The following ZNF280A variants were observed in gnomAD, a reference collection of about 807,000 sequenced individuals.
The protein encoded by ZNF280A is zinc finger protein 280A.
ZNF280A carries 26 observed loss-of-function variants against 35.9 expected under a neutral mutation model. That is an observed-to-expected ratio of 0.72 (90% confidence interval 0.53 to 1.01). ZNF280A has a LOEUF of 1.01. Among genes scored for constraint, ZNF280A ranks in the 50% least tolerant of loss-of-function variants. The probability of loss-of-function intolerance (pLI) is 0.00; values close to 1 mark genes in which losing one functional copy is unlikely to be tolerated. For synonymous variants in ZNF280A, 231 were observed against 232.9 expected, an observed-to-expected ratio of 0.99 and a Z score of 0.07; for missense variants, 654 against 652.0, an observed-to-expected ratio of 1.00 and a Z score of -0.03.
chr22:22,519,038 T>A (rs1020452515), intron 1 of ZNF280A, among the ~76,000 whole-genome samples: 3 of 151,908 alleles, frequency 2.0e-5, no homozygotes, highest in African/African-American at 7.3e-5. Context: ...ATATATACTA[T>A]ATTTTTTCAT....
At position 22,514,118 on chromosome 22, in the gene ZNF280A, T is replaced by A; in HGVS notation, c.1513A>T (p.Met505Leu). ...GTGTTGCTAACAATAACGGAAGCCA[T>A]ACCACTTGATCCTGGCTGAACTGAA... is the stretch of plus-strand genomic sequence containing the variant. ...QTSVQPGSSG[M>L]ASVIVSNTDP... The change falls in exon 2 of 2, where the codon ATG becomes TTG. Residue 505 changes from methionine (M) to leucine (L), a missense_variant. Coordinates refer to ENST00000302097, the MANE Select transcript of ZNF280A (RefSeq NM_080740.5). 2 of 1,613,936 alleles carry A rather than the reference T, an allele frequency of 1.2e-6. No homozygotes were observed. The highest frequency in any genetic ancestry group is 1.7e-6 in the Non-Finnish European group (2 of 1,179,986).
intron 1 of ZNF280A, among the ~76,000 whole-genome samples, chr22:22,518,852 T>C (rs949499869): frequency 6.6e-6 from 1 of 151,630 alleles, no homozygotes; most frequent in Admixed American, 6.6e-5. Flanking sequence ...AAAATGTCAG[T>C]GTTCACCATA....
Position 22,515,195 on chromosome 22 carries a change from G to T in ZNF280A, c.436C>A (p.Gln146Lys). 1 of 1,613,896 alleles carries T rather than the reference G, an allele frequency of 6.2e-7. No individual in the cohort carries two copies. The highest frequency in any genetic ancestry group is 8.5e-7 in the Non-Finnish European group (1 of 1,179,958). The change falls in exon 2 of 2, where the codon CAG becomes AAG. Residue 146 changes from glutamine to lysine, a missense_variant. Gln to Lys is a moderately conservative substitution (Grantham distance 53). Transcript: ENST00000302097. ...GAGACCATAGCTCCAACTAGACACT[G>T]AGTCCCTGGGGGGAGCGAGTCTGAG... ...SSSDSLPPGT[Q>K]CLVGAMVSGG...
chr22:22,517,036 G>A (rs1295069689), intron 1 of ZNF280A, among the ~76,000 whole-genome samples: 4 of 151,980 alleles, frequency 2.6e-5, no homozygotes, highest in African/African-American at 9.7e-5. Context: ...AGGAGTTTGA[G>A]ATTACAGTGA....
intron 1 of ZNF280A, among the ~76,000 whole-genome samples, chr22:22,518,194 G>A (rs965092867): frequency 6.6e-6 from 1 of 151,554 alleles, no homozygotes; most frequent in Admixed American, 6.6e-5. Context: ...CAAAGTGCTG[G>A]GATTACAGGC....
In ZNF280A at chr22:22,513,960, C is replaced by T; in HGVS notation, c.*42G>A. Reference sequence around the variant, plus strand: ...ACAATGCACATATGGCCTAGCCTCACTTCTGCCTTTCGGAACTCCTGGAAG... The same window carrying T: ...ACAATGCACATATGGCCTAGCCTCATTTCTGCCTTTCGGAACTCCTGGAAG... On this transcript the variant is annotated 3_prime_UTR_variant, in exon 2 of 2. Coordinates refer to ENST00000302097, the MANE Select transcript of ZNF280A (RefSeq NM_080740.5). The T allele has an allele frequency of 8.7e-7, 1 of 1,143,926 alleles. No homozygotes were observed. The highest frequency in any genetic ancestry group is 1.3e-6 in the Non-Finnish European group (1 of 783,858). The allele number at this position is 1,143,926 out of a possible 1,614,324, so 70.9% of individuals were successfully genotyped here. A position where few individuals can be genotyped will look rare whatever the true frequency, so the allele number is the denominator to read the frequency against.
chr22:22,518,248 T>G (rs1205214872), intron 1 of ZNF280A, among the ~76,000 whole-genome samples: 1 of 151,842 alleles, frequency 6.6e-6, no homozygotes, highest in African/African-American at 2.4e-5. Context: ...TTATAGTCAG[T>G]GAAAAATCCT....
chr22:22,514,486 T>C lies in ZNF280A; in HGVS notation c.1145A>G (p.His382Arg). The C allele has an allele frequency of 6.2e-7, 1 of 1,613,906 alleles. No homozygotes were observed. Among genetic ancestry groups the C allele is most frequent in the Non-Finnish European group, 8.5e-7 (1 of 1,179,988 alleles). ...GCCAGGCTTATGATGGTCCTTCATG[T>C]GTTGTAAGAGGACCTGATCTGTTTC... is the stretch of plus-strand genomic sequence containing the variant. ...SFETDQVLLQ[H>R]MKDHHKPGEM... The change falls in exon 2 of 2, where the codon CAC (histidine) becomes CGC (arginine). Residue 382 changes from histidine (H) to arginine (R), a missense_variant. Transcript: ENST00000302097.
rs769923749 is a variant in ZNF280A at position 22,515,215 on chromosome 22, T to C, written c.416A>G (p.Asp139Gly). 38 of 1,613,556 alleles carry C rather than the reference T, an allele frequency of 2.4e-5. No homozygotes were observed. Among genetic ancestry groups the C allele is most frequent in the Admixed American group, 1.0e-4 (6 of 59,918 alleles). Residue 139 changes from aspartate (D) to glycine (G), a missense_variant, in exon 2 of 2, where the codon GAC becomes GGC. Physicochemically the swap from Asp to Gly is moderately conservative, Grantham distance 94 (BLOSUM62 -1). Transcript: ENST00000302097. ...SPQVVSPSSS[D>G]SLPPGTQCLV... The stretch of plus-strand genomic sequence containing the variant: ...ACACTGAGTCCCTGGGGGGAGCGAG[T>C]CTGAGGAACTGGGAGAAACAACTTG...
At position 22,515,244 on chromosome 22, in the gene ZNF280A, TGA is replaced by T; in HGVS notation, c.385_386del (p.Ser129ThrfsTer31). The T allele has an allele frequency of 6.2e-7, 1 of 1,613,828 alleles. No individual in the cohort carries two copies. The highest frequency in any genetic ancestry group is 8.5e-7 in the Non-Finnish European group (1 of 1,179,934). ...AGGAACTGGGAGAAACAACTTGTGG[TGA>T]GCTCATTTTATAACCAGGTTCAGAT... ...SSSEPGYKMS[S>X]PQVVSPSSSD... is the part of the protein sequence containing the mutation. On this transcript the variant is annotated frameshift_variant, in exon 2 of 2. Transcript: ENST00000302097. LOFTEE classifies it high-confidence loss of function.
Position 22,514,574 on chromosome 22 carries a change from T to C in ZNF280A, c.1057A>G (p.Ile353Val), listed in dbSNP as rs748518449. ...FPTPFQLQCH[I>V]DSVHIAMGPS... Reference sequence around the variant, plus strand: ...CCCATGGCGATGTGTACACTATCAATGTGACACTGTAGCTGGAAGGGAGTG... The same window carrying C: ...CCCATGGCGATGTGTACACTATCAACGTGACACTGTAGCTGGAAGGGAGTG... Residue 353 changes from isoleucine (I) to valine (V), a missense_variant, in exon 2 of 2, where the codon ATT becomes GTT. Ile to Val is a conservative substitution (Grantham distance 29, BLOSUM62 3). Transcript: ENST00000302097. The C allele has an allele frequency of 1.2e-5, 19 of 1,613,938 alleles. No homozygotes were observed. Among genetic ancestry groups the C allele is most frequent in the Non-Finnish European group, 1.5e-5 (18 of 1,179,992 alleles).
In ZNF280A at chr22:22,515,747, A is replaced by C. The variant is rs2062062126; in HGVS notation, c.-71-46T>G. 4.8e-6 allele frequency: 7 copies of C among 1,458,144 alleles called. No individual in the cohort carries two copies. The African/African-American group carries it at 7.1e-5, about 15-fold the overall frequency. 90.3% of individuals were successfully genotyped at this position (1,458,144 alleles called of 1,614,324 possible). The stretch of plus-strand genomic sequence containing the variant: ...ATAGTCAATATTTATTTCGAAAGAC[A>C]AAATCATTACTTTATTGTATCCTCC... On this transcript the variant is annotated intron_variant, in intron 1 of 1. Coordinates refer to ENST00000302097, the MANE Select transcript of ZNF280A (RefSeq NM_080740.5).
At chr22:22,517,095 C>T (rs2062080900) in intron 1 of ZNF280A, among the ~76,000 whole-genome samples, 1 of 151,580 alleles carries the variant, frequency 6.6e-6, no homozygotes, top group African/African-American at 2.4e-5. Flanking sequence ...GAAAGGAAGA[C>T]TCTGTGTCTT....
chr22:22,514,222 T>C lies in ZNF280A; in HGVS notation c.1409A>G (p.Lys470Arg). ...FLTLKEEIEH[K>R]TKDHQTFKKP... is the part of the protein sequence containing the mutation. ...TTTAAATGTTTGATGGTCCTTGGTT[T>C]TGTGCTCTATTTCCTCCTTCAACGT... Residue 470 changes from lysine to arginine, a missense_variant, in exon 2 of 2, where the codon AAA becomes AGA. By Grantham distance (26) the Lys-to-Arg change is conservative. Transcript: ENST00000302097. The C allele has an allele frequency of 6.2e-7, 1 of 1,613,794 alleles. No individual in the cohort carries two copies. The highest frequency in any genetic ancestry group is 1.1e-5 in the South Asian group (1 of 91,042).
At chr22:22,516,870 C>T (rs2062077851) in intron 1 of ZNF280A, among the ~76,000 whole-genome samples, 1 of 151,872 alleles carries the variant, frequency 6.6e-6, no homozygotes, top group South Asian at 2.1e-4. Flanking sequence ...CCTGGTCTGC[C>T]TCAGTCCCAT....
At position 22,515,375 on chromosome 22, in the gene ZNF280A, CG is replaced by C. The variant is rs779341753; in HGVS notation, c.255del (p.His85GlnfsTer9). ...GTCACATGATTTGCAGGCTGCGACA[CG>C]TGAGCAGGATATTGACGGAAGTGGC... ...KKGHFRQYPA[H>X]VSQPANHVTS... On this transcript the variant is annotated frameshift_variant, in exon 2 of 2. Transcript: ENST00000302097. LOFTEE classifies it high-confidence loss of function. 2 of 1,613,860 alleles carry C rather than the reference CG, an allele frequency of 1.2e-6. No individual in the cohort carries two copies. Among genetic ancestry groups the C allele is most frequent in the South Asian group, 2.2e-5 (2 of 91,060 alleles).
chr22:22,519,922 G>A (rs1439603043), intron 1 of ZNF280A, among the ~76,000 whole-genome samples, 167 bp downstream of exon 1: 1 of 151,958 alleles, frequency 6.6e-6, no homozygotes, highest in East Asian at 2.0e-4. Context: ...TGGAACCTCA[G>A]GTAACTGAAA....
Position 22,514,480 on chromosome 22 carries a change from T to C in ZNF280A, c.1151A>G (p.Lys384Arg). The change falls in exon 2 of 2, where the codon AAG becomes AGG. Residue 384 changes from lysine (K) to arginine (R), a missense_variant. Lys to Arg is a conservative substitution (Grantham distance 26). Coordinates refer to ENST00000302097, the MANE Select transcript of ZNF280A (RefSeq NM_080740.5). ...ETDQVLLQHM[K>R]DHHKPGEMPY... is the part of the protein sequence containing the mutation. ...CATTTCGCCAGGCTTATGATGGTCC[T>C]TCATGTGTTGTAAGAGGACCTGATC... is the stretch of plus-strand genomic sequence containing the variant. The C allele has an allele frequency of 6.2e-7, 1 of 1,613,950 alleles. No individual in the cohort carries two copies. The highest frequency in any genetic ancestry group is 2.2e-5 in the East Asian group (1 of 44,790).
intron 1 of ZNF280A, among the ~76,000 whole-genome samples, chr22:22,516,010 C>G (rs1402397366): frequency 1.3e-5 from 2 of 151,872 alleles, no homozygotes; most frequent in Non-Finnish European, 2.9e-5. Flanking sequence ...CACAGGTACT[C>G]TCTCAGATGT....
Sources: gnomAD v4.1 joint callset for allele counts (sites outside exome capture counted in the v4.1 genomes callset) on GRCh38, gnomAD v4.1.1 for gene constraint, MANE v1.5 for transcripts, NCBI Gene and HGNC (gene_info 2026-07-23, HGNC 2026-07-21) for gene names.